The following ADAMTS12 variants were observed in gnomAD, a reference collection of about 807,000 sequenced individuals.
ADAMTS12 encodes ADAM metallopeptidase with thrombospondin type 1 motif 12.
In ADAMTS12, 118 loss-of-function variants were observed where a neutral mutation model predicts 167.8. The observed-to-expected ratio is 0.70, with a 90% confidence interval of 0.61 to 0.82. The LOEUF (loss-of-function observed/expected upper bound fraction) is 0.82. Among genes scored for constraint, ADAMTS12 ranks in the 40% least tolerant of loss-of-function variants. The probability of loss-of-function intolerance (pLI) is 0.00; values close to 1 mark genes in which losing one functional copy is unlikely to be tolerated. For synonymous variants in ADAMTS12, 704 were observed against 716.9 expected (o/e 0.98, Z 0.29); for missense variants, 1,916 against 1,998.8 (o/e 0.96, Z 0.79).
chr5:33,602,017 T>C (rs557735589), intron 16 of ADAMTS12, among the ~76,000 whole-genome samples: 1 of 152,162 alleles, frequency 6.6e-6, no homozygotes, highest in Non-Finnish European at 1.5e-5. Flanking sequence ...AGGGACCTCA[T>C]TCACTTAAAG....
At chr5:33,787,080 A>G (rs1561271321) in intron 2 of ADAMTS12, among the ~76,000 whole-genome samples, 1 of 152,132 alleles carries the variant, frequency 6.6e-6, no homozygotes, top group South Asian at 2.1e-4. Flanking sequence ...GCTCTTTCCA[A>G]TTCAGTGATT....
chr5:33,630,749 A>C (rs1401068276), intron 13 of ADAMTS12, 31 bp downstream of exon 13: 1 of 1,583,428 alleles, frequency 6.3e-7, no homozygotes, highest in Non-Finnish European at 8.6e-7. Flanking sequence ...TGATTTTATA[A>C]AGTTGTAGAT....
Position 33,624,317 on chromosome 5 carries a change from G to A in ADAMTS12, c.2057C>T (p.Ala686Val). ...GCACACACCGCAGCGATCCTCGGTG[G>A]CATTGGAATCGATCTCATAGTCACA... Reference protein sequence around the residue: ...VGCDYEIDSNATEDRCGVCLG... With the variant: ...VGCDYEIDSNVTEDRCGVCLG... Residue 686 changes from alanine (A) to valine (V), a missense_variant, in exon 14 of 24, where the codon GCC becomes GTC. Ala to Val is a moderately conservative substitution (Grantham distance 64). Coordinates refer to ENST00000504830, the MANE Select transcript of ADAMTS12 (RefSeq NM_030955.4). 6.2e-7 allele frequency: 1 copy of A among 1,614,042 alleles called. No individual in the cohort carries two copies. The highest frequency in any genetic ancestry group is 8.5e-7 in the Non-Finnish European group (1 of 1,179,950).
intron 22 of ADAMTS12, among the ~76,000 whole-genome samples, chr5:33,536,610 C>T (rs567374006): frequency 5.8e-4 from 88 of 150,770 alleles, no homozygotes; most frequent in African/African-American, 2.0e-3. Flanking sequence ...ATAGAGGTTA[C>T]GAGTGATTCC....
chr5:33,643,836 A>AC (rs1378409242), intron 9 of ADAMTS12, among the ~76,000 whole-genome samples: 3 of 152,246 alleles, frequency 2.0e-5, no homozygotes, highest in Non-Finnish European at 4.4e-5. Flanking sequence ...CTGGAAGGCA[A>AC]CCTGATTACT....
intron 15 of ADAMTS12, among the ~76,000 whole-genome samples, chr5:33,615,305 C>T (rs1738942764): frequency 6.6e-6 from 1 of 152,210 alleles, no homozygotes; most frequent in South Asian, 2.1e-4. Context: ...TTGGCCATCT[C>T]TCATCCTCAA....
chr5:33,549,458 G>A (rs761040585), intron 20 of ADAMTS12, 75 bp from the exon 21 acceptor site: 19 of 1,520,014 alleles, frequency 1.2e-5, no homozygotes, highest in African/African-American at 4.1e-5. Context: ...CTCAGCCGTG[G>A]AGGCGCCAGG....
intron 6 of ADAMTS12, among the ~76,000 whole-genome samples, chr5:33,660,505 C>G (rs1741220350): frequency 2.0e-5 from 3 of 152,326 alleles, no homozygotes; most frequent in African/African-American, 7.2e-5. Context: ...CTATCATTAA[C>G]TCACTCATTT....
chr5:33,549,427 A>G, intron 20 of ADAMTS12, 44 bp from the exon 21 acceptor site: 2 of 1,585,216 alleles, frequency 1.3e-6, no homozygotes, highest in Non-Finnish European at 1.7e-6. Context: ...AGTCATTGGC[A>G]TCAGGCCTCC....
At chr5:33,623,841 C>T (rs985979092) in intron 14 of ADAMTS12, among the ~76,000 whole-genome samples, 2 of 152,182 alleles carry the variant, frequency 1.3e-5, no homozygotes, top group East Asian at 1.9e-4. Context: ...GCAGCCTTCT[C>T]GGCCAGCTTC....
At chr5:33,817,428 G>A (rs1461037053) in intron 2 of ADAMTS12, among the ~76,000 whole-genome samples, 2 of 152,056 alleles carry the variant, frequency 1.3e-5, no homozygotes, top group African/African-American at 4.8e-5. Flanking sequence ...GAATACTCAA[G>A]GGTCTCAAGT....
At chr5:33,655,628 TATTTA>T (rs1554032472) in intron 7 of ADAMTS12, among the ~76,000 whole-genome samples, 3 of 145,700 alleles carry the variant, frequency 2.1e-5, no homozygotes, top group African/African-American at 2.5e-5. Context: ...TAGTTTTATT[TATTTA>T]ATTTAATTTA....
chr5:33,773,991 A>G (rs946833294), intron 2 of ADAMTS12, among the ~76,000 whole-genome samples: 6 of 152,164 alleles, frequency 3.9e-5, no homozygotes, highest in Admixed American at 2.0e-4. Flanking sequence ...TGGCACCTCC[A>G]CTACTGGGGG....
At chr5:33,571,969 C>T (rs1170759150) in intron 19 of ADAMTS12, among the ~76,000 whole-genome samples, 3 of 152,182 alleles carry the variant, frequency 2.0e-5, no homozygotes, top group African/African-American at 7.2e-5. Context: ...ACTACAAACA[C>T]CTCTACACAA....
intron 3 of ADAMTS12, among the ~76,000 whole-genome samples, chr5:33,728,171 G>C (rs557455280): frequency 6.6e-6 from 1 of 152,272 alleles, no homozygotes; most frequent in Non-Finnish European, 1.5e-5. Context: ...TCCCCTAGAA[G>C]GAGGCCCAGT....
At chr5:33,590,051 A>G (rs1256408481) in intron 17 of ADAMTS12, among the ~76,000 whole-genome samples, 1 of 152,210 alleles carries the variant, frequency 6.6e-6, no homozygotes, top group Non-Finnish European at 1.5e-5. Context: ...TTGGAACAGT[A>G]TGATGTGAAA....
At chr5:33,662,647 C>G (rs1741298633) in intron 5 of ADAMTS12, among the ~76,000 whole-genome samples, 1 of 152,186 alleles carries the variant, frequency 6.6e-6, no homozygotes, top group Non-Finnish European at 1.5e-5. Context: ...GCTTCAAGGG[C>G]TTCTGAGGCC....
chr5:33,750,304 A>G (rs1744929718), intron 3 of ADAMTS12, among the ~76,000 whole-genome samples: 1 of 152,238 alleles, frequency 6.6e-6, no homozygotes, highest in Non-Finnish European at 1.5e-5. Context: ...TGTACAGAAA[A>G]CATTTTAGAC....
At chr5:33,725,173 T>C (rs568273355) in intron 3 of ADAMTS12, among the ~76,000 whole-genome samples, 1 of 152,198 alleles carries the variant, frequency 6.6e-6, no homozygotes, top group Admixed American at 6.5e-5. Flanking sequence ...CAGCTCCCGA[T>C]ATGATTCTGT....
Sources: gnomAD v4.1 joint callset for allele counts (sites outside exome capture counted in the v4.1 genomes callset) on GRCh38, gnomAD v4.1.1 for gene constraint, MANE v1.5 for transcripts, NCBI Gene and HGNC (gene_info 2026-07-23, HGNC 2026-07-21) for gene names.